The following PAPPA variants were observed in gnomAD, a reference collection of about 807,000 sequenced individuals.
PAPPA encodes pappalysin-1.
PAPPA carries 60 observed loss-of-function variants against 164.0 expected under a neutral mutation model. The ratio of observed to expected loss-of-function variants is 0.37; its 90% CI spans 0.30 to 0.45. The LOEUF is 0.45. Ranked by LOEUF, PAPPA falls within the 20% of genes least tolerant of loss-of-function variation. PAPPA has a pLI of 1.00. For synonymous variants in PAPPA, 875 were observed against 814.1 expected, an observed-to-expected ratio of 1.07 and a Z score of -1.27; for missense variants, 1,782 against 2,087.3, an observed-to-expected ratio of 0.85 and a Z score of 2.85.
At chr9:116,309,159 T>C (rs1327982694) in intron 10 of PAPPA, among the ~76,000 whole-genome samples, 3 of 151,880 alleles carry the variant, frequency 2.0e-5, no homozygotes, top group Non-Finnish European at 2.9e-5. Flanking sequence ...CACTGCAGCC[T>C]CCACCTCCCA....
chr9:116,362,063 A>G (rs1846434266), intron 17 of PAPPA, among the ~76,000 whole-genome samples: 1 of 151,670 alleles, frequency 6.6e-6, no homozygotes, highest in African/African-American at 2.4e-5. Context: ...AAGAAAGAGA[A>G]GATGAGAAAA....
At position 116,360,922 on chromosome 9, in the gene PAPPA, T is replaced by C. The variant is rs942725044; in HGVS notation, c.4348-1670T>C. Among the ~76,000 whole-genome samples, 3 of 152,172 alleles carry C rather than the reference T, an allele frequency of 2.0e-5. 1 individual carries two copies. The South Asian group carries it at 6.2e-4, about 31-fold the overall frequency. On this transcript the variant is annotated intron_variant, in intron 17 of 21. Transcript: ENST00000328252. ...TCAGAGACATTCAGGTAGTGCCCCA[T>C]GCAGAATTGAGATGGCAGGAGAGCA...
rs553865405 is a variant in PAPPA, at chr9:116,187,754, C to G, written c.1016C>G (p.Ala339Gly). Residue 339 changes from alanine (A) to glycine (G), a missense_variant, in exon 2 of 22, where the codon GCC becomes GGC. This residue lies in a region of PAPPA where 1,324 missense variants were observed against 1,656.9 expected (regional missense o/e 0.80). Coordinates refer to ENST00000328252, the MANE Select transcript of PAPPA (RefSeq NM_002581.5). This position sits in a 1 kb window ranked among gnomAD's most constrained non-coding sequence, Gnocchi z 4.2. ...TTGTGTGACAACACAGAGGTCATTG[C>G]CAGCTACAATCAGCTCTCAAGTTTC... Reference protein sequence around the residue: ...QTLCDNTEVIASYNQLSSFRQ... With the variant: ...QTLCDNTEVIGSYNQLSSFRQ... The G allele has an allele frequency of 2.2e-5, 35 of 1,614,252 alleles. No individual in the cohort carries two copies. In the African/African-American group the frequency reaches 4.1e-4, roughly 19 times the overall value.
At chr9:116,215,812 T>A (rs563849641) in intron 4 of PAPPA, among the ~76,000 whole-genome samples, 1 of 152,354 alleles carries the variant, frequency 6.6e-6, no homozygotes, top group Admixed American at 6.5e-5. Context: ...CAGTAAATGA[T>A]GATTAGTAGG....
At chr9:116,261,841 C>T (rs1845005847) in intron 7 of PAPPA, among the ~76,000 whole-genome samples, 1 of 151,930 alleles carries the variant, frequency 6.6e-6, no homozygotes, top group Middle Eastern at 3.2e-3. Flanking sequence ...GGCACATATG[C>T]CATTTGCGAT....
At chr9:116,179,021 A>T (rs1011475838) in intron 1 of PAPPA, among the ~76,000 whole-genome samples, 1 of 152,216 alleles carries the variant, frequency 6.6e-6, no homozygotes, top group Non-Finnish European at 1.5e-5. Context: ...ACCCTCAGGC[A>T]TACTACTCTC....
chr9:116,247,080 G>C (rs1216509415), intron 7 of PAPPA, among the ~76,000 whole-genome samples: 6 of 152,224 alleles, frequency 3.9e-5, no homozygotes, highest in Middle Eastern at 3.4e-3. Context: ...GGAAGGAGAT[G>C]ATGGGTCTTG....
chr9:116,339,400 C>T (rs536500247), intron 13 of PAPPA, among the ~76,000 whole-genome samples: 2 of 152,248 alleles, frequency 1.3e-5, no homozygotes, highest in Non-Finnish European at 2.9e-5. Flanking sequence ...GGCTACTGAG[C>T]TTGCATCACC....
At chr9:116,166,578 G>A (rs116506057) in intron 1 of PAPPA, among the ~76,000 whole-genome samples, 209 of 152,144 alleles carry the variant, frequency 1.4e-3, no homozygotes, top group African/African-American at 4.7e-3. Flanking sequence ...TTCTCTATCC[G>A]CTGTTTATAT....
chr9:116,332,212 C>G (rs1013422854), intron 11 of PAPPA, 121 bp from the exon 12 acceptor site: 7 of 730,252 alleles, frequency 9.6e-6, no homozygotes, highest in South Asian at 2.1e-5. Context: ...TCTTGGACCC[C>G]TGATGAGTAG....
At chr9:116,253,802 TTTAG>T (rs1442974431) in intron 7 of PAPPA, among the ~76,000 whole-genome samples, 4 of 152,222 alleles carry the variant, frequency 2.6e-5, no homozygotes, top group Non-Finnish European at 5.9e-5. Flanking sequence ...TTTTGTAAGT[TTTAG>T]TTATTGTTAA....
chr9:116,298,264 C>G (rs1296158500), intron 9 of PAPPA, among the ~76,000 whole-genome samples: 1 of 152,234 alleles, frequency 6.6e-6, no homozygotes, highest in Non-Finnish European at 1.5e-5. Context: ...TCAACTATGT[C>G]TGTCCACTTA....
chr9:116,336,281 C>A (rs187753693), intron 13 of PAPPA, among the ~76,000 whole-genome samples: 2 of 152,196 alleles, frequency 1.3e-5, no homozygotes, highest in African/African-American at 4.8e-5. Context: ...TTTCCCACGC[C>A]CCTGTTACCA....
At chr9:116,246,344 T>C (rs1844796581) in intron 7 of PAPPA, among the ~76,000 whole-genome samples, 1 of 152,204 alleles carries the variant, frequency 6.6e-6, no homozygotes, top group Non-Finnish European at 1.5e-5. Context: ...GCTAGGACTA[T>C]TTGTGTTATT....
intron 7 of PAPPA, among the ~76,000 whole-genome samples, chr9:116,248,278 G>T (rs1249037920): frequency 6.6e-6 from 1 of 152,198 alleles, no homozygotes; most frequent in East Asian, 1.9e-4. Flanking sequence ...GCTGGCCCTG[G>T]ATCAGGAGAC....
chr9:116,384,190 C>G (rs1275343046), intron 21 of PAPPA, among the ~76,000 whole-genome samples: 1 of 151,556 alleles, frequency 6.6e-6, no homozygotes, highest in Non-Finnish European at 1.5e-5. Flanking sequence ...CTTTGGGAGG[C>G]CAAGATGGGT....
intron 2 of PAPPA, among the ~76,000 whole-genome samples, chr9:116,203,027 T>C (rs1844189732): frequency 6.6e-6 from 1 of 152,048 alleles, no homozygotes; most frequent in South Asian, 2.1e-4. Flanking sequence ...CAGAGTATAG[T>C]GAGAAGTGGT....
chr9:116,272,628 A>G (rs1392215227), intron 9 of PAPPA, among the ~76,000 whole-genome samples: 1 of 152,170 alleles, frequency 6.6e-6, no homozygotes, highest in African/African-American at 2.4e-5. Flanking sequence ...GTAAATATTT[A>G]TGGTTGGAAG....
rs1453292511 is a variant in PAPPA, at chr9:116,398,618, T to C, written c.*2002T>C. On this transcript the variant is annotated 3_prime_UTR_variant, in exon 22 of 22. Transcript: ENST00000328252. ...CTCTGGCCAATTACACTAAGAAACA[T>C]ATCAAGGTGCTTTTGGCACAGGTGC... 1.9e-6 allele frequency: 2 copies of C among 1,063,256 alleles called. No homozygotes were observed. Among genetic ancestry groups the C allele is most frequent in the Non-Finnish European group, 2.6e-6 (2 of 782,372 alleles). 65.9% of individuals were successfully genotyped at this position (1,063,256 alleles called of 1,614,324 possible). A position where few individuals can be genotyped will look rare whatever the true frequency, so the allele number is the denominator to read the frequency against.
Sources: gnomAD v4.1 joint callset for allele counts (sites outside exome capture counted in the v4.1 genomes callset) on GRCh38, gnomAD v4.1.1 for gene constraint, gnomAD v4.1.1 regional missense constraint, Gnocchi (gnomAD v3.1) non-coding constraint, MANE v1.5 for transcripts, NCBI Gene and HGNC (gene_info 2026-07-23, HGNC 2026-07-21) for gene names.